LHX4: variants seen among roughly 807,000 people sequenced by gnomAD.
The protein encoded by LHX4 is LIM homeobox 4.
Under a neutral mutation model 39.2 loss-of-function variants are expected in LHX4, and 16 were observed. That is an observed-to-expected ratio of 0.41 (90% confidence interval 0.28 to 0.62). The LOEUF (loss-of-function observed/expected upper bound fraction) is 0.62, where lower values mean the gene tolerates loss of function less well. Among genes scored for constraint, LHX4 ranks in the 20% least tolerant of loss-of-function variants. The pLI is 0.33. For synonymous variants in LHX4, 206 were observed against 198.1 expected (o/e 1.04, Z -0.33); for missense variants, 439 against 511.9 (o/e 0.86, Z 1.37).
At chr1:180,254,208 C>G (rs1647751705) in intron 2 of LHX4, among the ~76,000 whole-genome samples, 1 of 152,192 alleles carries the variant, frequency 6.6e-6, no homozygotes, top group African/African-American at 2.4e-5. Flanking sequence ...CAGGAGGTTC[C>G]TGTCTAAAAC....
chr1:180,248,509 A>G, intron 2 of LHX4, 53 bp downstream of exon 2: 1 of 1,595,614 alleles, frequency 6.3e-7, no homozygotes, highest in South Asian at 1.1e-5. Context: ...CCTCTCCCCA[A>G]GCAGTGAGGG....
At chr1:180,252,166 T>C (rs1647653423) in intron 2 of LHX4, among the ~76,000 whole-genome samples, 1 of 152,152 alleles carries the variant, frequency 6.6e-6, no homozygotes, top group African/African-American at 2.4e-5. Flanking sequence ...CCTCATCCCA[T>C]CTCATTAGAT....
At chr1:180,254,368 C>T (rs1558215020) in intron 2 of LHX4, among the ~76,000 whole-genome samples, 1 of 152,238 alleles carries the variant, frequency 6.6e-6, no homozygotes, top group Non-Finnish European at 1.5e-5. Context: ...GCCAGGATCT[C>T]CCTCTGCTCC....
chr1:180,236,529 A>C (rs1312183618), intron 1 of LHX4, among the ~76,000 whole-genome samples: 3 of 152,202 alleles, frequency 2.0e-5, no homozygotes, highest in Admixed American at 2.0e-4. Flanking sequence ...AGGGATGGAA[A>C]ATTAGTTAAC....
chr1:180,274,045 G>A, intron 5 of LHX4, 140 bp from the exon 6 acceptor site: 2 of 1,013,126 alleles, frequency 2.0e-6, no homozygotes, highest in Non-Finnish European at 3.0e-6. Flanking sequence ...CCATATTGGT[G>A]TGTCTGACCC....
chr1:180,234,172 TATATATATATATATA>T lies in LHX4; in HGVS notation c.76+3568_76+3582del, dbSNP rs1664250885. ...AGACACACACAACACACACAAATTA[TATATATATATATATA>T]TATATATATATATATATATATATAT... is the stretch of plus-strand genomic sequence containing the variant. On this transcript the variant is annotated intron_variant, in intron 1 of 5. Coordinates refer to ENST00000263726, the MANE Select transcript of LHX4 (RefSeq NM_033343.4). The surrounding 1 kb of genome is among the most constrained non-coding windows in gnomAD (Gnocchi z 4.8). 1.6e-4 allele frequency among the ~76,000 whole-genome samples: 1 copy of T among 6,088 alleles called. No individual in the cohort carries two copies. The highest frequency in any genetic ancestry group is 9.0e-4 in the African/African-American group (1 of 1,116). 4.0% of individuals were successfully genotyped at this position (6,088 alleles called of 152,430 possible).
intron 1 of LHX4, among the ~76,000 whole-genome samples, chr1:180,241,005 T>G (rs548834488): frequency 1.3e-5 from 2 of 152,322 alleles, no homozygotes; most frequent in South Asian, 4.1e-4. Flanking sequence ...ATAGTCTCTT[T>G]TCCTTTGGGC....
intron 2 of LHX4, among the ~76,000 whole-genome samples, chr1:180,256,079 A>G (rs928551588): frequency 3.3e-5 from 5 of 152,136 alleles, no homozygotes; most frequent in African/African-American, 1.2e-4. Context: ...GTGCCATGCC[A>G]TGGGGTTCAC....
At chr1:180,246,529 T>C (rs772006086) in intron 1 of LHX4, among the ~76,000 whole-genome samples, 2 of 152,056 alleles carry the variant, frequency 1.3e-5, no homozygotes, top group Non-Finnish European at 2.9e-5. Context: ...CTGGCCAACA[T>C]AGTGAAACCC....
intron 1 of LHX4, among the ~76,000 whole-genome samples, chr1:180,246,505 A>T (rs1016304401): frequency 6.6e-6 from 1 of 152,228 alleles, no homozygotes; most frequent in Non-Finnish European, 1.5e-5. Flanking sequence ...TGAGGTCAGG[A>T]GTTTGAGACC....
chr1:180,269,411 T>C (rs967731158), intron 3 of LHX4, among the ~76,000 whole-genome samples: 3 of 152,188 alleles, frequency 2.0e-5, no homozygotes, highest in Admixed American at 6.5e-5. Flanking sequence ...TTGGATGACA[T>C]TGTTATGGGA....
Position 180,274,439 on chromosome 1 carries a change from G to C in LHX4, c.1033G>C (p.Gly345Arg), listed in dbSNP as rs376977848. Reference protein sequence around the residue: ...DSNLGIIAHAGQGVSQTLRAM... With the variant: ...DSNLGIIAHARQGVSQTLRAM... ...TAATTTGGGCATCATTGCGCATGCAGGGCAGGGAGTAAGCCAGACGCTGAG... is the reference window on the plus strand; with the variant it reads ...TAATTTGGGCATCATTGCGCATGCACGGCAGGGAGTAAGCCAGACGCTGAG... The change falls in exon 6 of 6, where the codon GGG (glycine) becomes CGG (arginine). Residue 345 changes from glycine (G) to arginine (R), a missense_variant. By Grantham distance (125) the Gly-to-Arg change is moderately radical. Transcript: ENST00000263726. 5.0e-6 allele frequency: 8 copies of C among 1,614,102 alleles called. No individual in the cohort carries two copies. In the African/African-American group the frequency reaches 1.1e-4, roughly 22 times the overall value.
At chr1:180,264,529 G>GA (rs1648239478) in intron 2 of LHX4, among the ~76,000 whole-genome samples, 1 of 152,184 alleles carries the variant, frequency 6.6e-6, no homozygotes, top group Non-Finnish European at 1.5e-5. Context: ...ATCCAGAGCC[G>GA]ACTGTGTGCT....
Position 180,266,842 on chromosome 1 carries a change from TC to T in LHX4, c.451+250del, listed in dbSNP as rs1158099301. On this transcript the variant is annotated intron_variant, in intron 3 of 5. Transcript: ENST00000263726. This position sits in a 1 kb window ranked among gnomAD's most constrained non-coding sequence, Gnocchi z 5.7. ...CATGGTTCCTGAGAGCCTGCCTGTCTCCATGGTAGGCTCAGAAGCAGCCAAG... is the reference window on the plus strand; with the variant it reads ...CATGGTTCCTGAGAGCCTGCCTGTCTCATGGTAGGCTCAGAAGCAGCCAAG... Among the ~76,000 whole-genome samples, 1 of 152,204 alleles carries T rather than the reference TC, an allele frequency of 6.6e-6. No individual in the cohort carries two copies. The highest frequency in any genetic ancestry group is 1.9e-4 in the East Asian group (1 of 5,190).
intron 3 of LHX4, chr1:180,270,796 C>T (rs1648599600): frequency 6.2e-6 from 1 of 160,338 alleles, no homozygotes; most frequent in Admixed American, 5.8e-5. Context: ...TAGTTTTGAT[C>T]CACTAAGGTG....
intron 1 of LHX4, among the ~76,000 whole-genome samples, chr1:180,237,928 G>A (rs1253332608): frequency 6.6e-6 from 1 of 152,204 alleles, no homozygotes; most frequent in Non-Finnish European, 1.5e-5. Context: ...AAATGGAGTG[G>A]AAATAGACGT....
intron 2 of LHX4, among the ~76,000 whole-genome samples, chr1:180,255,320 G>A (rs958593287): frequency 2.6e-5 from 4 of 152,210 alleles, no homozygotes; most frequent in East Asian, 1.9e-4. Context: ...AGGCATGATC[G>A]TGCGTACACA....
intron 1 of LHX4, among the ~76,000 whole-genome samples, chr1:180,246,721 AAAAC>A (rs1647398855): frequency 2.0e-5 from 3 of 152,334 alleles, no homozygotes; most frequent in Admixed American, 6.5e-5. Flanking sequence ...AAAACAAAAC[AAAAC>A]AAACAAAAAA....
In LHX4 at chr1:180,271,820, G is replaced by C; in HGVS notation, c.607-15G>C. The stretch of plus-strand genomic sequence containing the variant: ...TGGACGCCCCCTGAGTATGTCCCTT[G>C]TGCTTGTGTGGCAGGTTTGGTTTCA... On this transcript the variant is annotated splice_polypyrimidine_tract_variant and intron_variant, in intron 4 of 5. Transcript: ENST00000263726. 6.2e-7 allele frequency: 1 copy of C among 1,613,884 alleles called. No individual in the cohort carries two copies. Among genetic ancestry groups the C allele is most frequent in the Non-Finnish European group, 8.5e-7 (1 of 1,179,978 alleles).
Sources: gnomAD v4.1 joint callset for allele counts (sites outside exome capture counted in the v4.1 genomes callset) on GRCh38, gnomAD v4.1.1 for gene constraint, Gnocchi (gnomAD v3.1) non-coding constraint, MANE v1.5 for transcripts, NCBI Gene and HGNC (gene_info 2026-07-23, HGNC 2026-07-21) for gene names.